The following RORA variants were observed in gnomAD, a reference collection of about 807,000 sequenced individuals.
RORA encodes RAR related orphan receptor A.
In RORA, 7 loss-of-function variants were observed where a neutral mutation model predicts 69.5. That is an observed-to-expected ratio of 0.10 (90% CI 0.06 to 0.19). RORA has a LOEUF of 0.19. RORA is among the 10% of genes least tolerant of loss of function. RORA has a pLI of 1.00. For missense variants in RORA, 457 were observed against 663.0 expected, an observed-to-expected ratio of 0.69 and a Z score of 3.41; for synonymous variants, 261 against 240.8, an observed-to-expected ratio of 1.08 and a Z score of -0.78.
chr15:61,173,048 AATTTT>A (rs1259244476), intron 1 of RORA, among the ~76,000 whole-genome samples: 5 of 152,214 alleles, frequency 3.3e-5, no homozygotes, highest in South Asian at 2.1e-4. Context: ...GTGGTTTTTA[AATTTT>A]ATTTTATTTT....
At chr15:60,947,311 A>G (rs1892922447) in intron 1 of RORA, among the ~76,000 whole-genome samples, 1 of 151,890 alleles carries the variant, frequency 6.6e-6, no homozygotes, top group African/African-American at 2.4e-5. Context: ...GTGTGGAAAG[A>G]GGTAGACATA....
chr15:60,616,166 T>C (rs1055842257), intron 2 of RORA, among the ~76,000 whole-genome samples: 3 of 152,182 alleles, frequency 2.0e-5, no homozygotes, highest in Admixed American at 6.5e-5. Flanking sequence ...GGCACACATA[T>C]GTATTTGTGG....
intron 1 of RORA, among the ~76,000 whole-genome samples, chr15:61,032,916 G>T (rs1896246555): frequency 1.3e-5 from 2 of 152,048 alleles, no homozygotes; most frequent in African/African-American, 4.8e-5. Context: ...TATGATAATA[G>T]CTATAATTTA....
chr15:61,097,119 G>T (rs768236861), intron 1 of RORA, among the ~76,000 whole-genome samples: 1 of 152,182 alleles, frequency 6.6e-6, no homozygotes, highest in Non-Finnish European at 1.5e-5. Context: ...CAAACAAGAG[G>T]GGGAGTGTTT....
chr15:60,732,336 C>A (rs2071440154), intron 1 of RORA, among the ~76,000 whole-genome samples: 1 of 152,070 alleles, frequency 6.6e-6, no homozygotes, highest in South Asian at 2.1e-4. Context: ...TGCGGGTGAG[C>A]CAGCACCTTC....
intron 3 of RORA, chr15:60,529,740 T>C (rs2066473212): frequency 6.6e-6 from 1 of 152,236 alleles, no homozygotes; most frequent in South Asian, 2.1e-4. Context: ...TGTGCCATGG[T>C]ACTCAGTCAA....
rs923102307 is a variant in RORA, at chr15:60,945,100, T to A, written c.167-266414A>T. On this transcript the variant is annotated intron_variant, in intron 1 of 10. Transcript: ENST00000335670. ...AGAGGAGGAAGGCTATAGTTTAATA[T>A]ACCCAGCAAATCCAGCAATATGGGG... Among the ~76,000 whole-genome samples, 8 of 152,144 alleles carry A rather than the reference T, an allele frequency of 5.3e-5. No homozygotes were observed. The East Asian group carries it at 1.5e-3, about 29-fold the overall frequency.
chr15:60,907,931 A>C (rs1011285910), intron 1 of RORA, among the ~76,000 whole-genome samples: 8 of 152,178 alleles, frequency 5.3e-5, no homozygotes, highest in African/African-American at 1.9e-4. Context: ...CACAGTGAAC[A>C]CAGAGGGTCC....
intron 1 of RORA, among the ~76,000 whole-genome samples, chr15:60,764,278 G>A (rs1595696117): frequency 6.6e-6 from 1 of 151,802 alleles, no homozygotes. Context: ...GGTGGGAAGC[G>A]GGGGGTATGG....
intron 1 of RORA, among the ~76,000 whole-genome samples, chr15:61,012,855 G>T: frequency 6.6e-6 from 1 of 152,030 alleles, no homozygotes; most frequent in East Asian, 1.9e-4. Flanking sequence ...TCACCATGTT[G>T]CCCAGGCTGG....
rs28403448 is a variant in RORA, at chr15:60,614,509, C to T, written c.196+64148G>A. Among the ~76,000 whole-genome samples, 1,213 of 152,248 alleles carry T rather than the reference C, an allele frequency of 8.0e-3. 12 individuals are homozygous for T. The highest frequency in any genetic ancestry group is 0.024 in the African/African-American group (1,003 of 41,556). On this transcript the variant is annotated intron_variant, in intron 2 of 10. Transcript: ENST00000335670. Reference sequence around the variant, plus strand: ...TGTATTTTTGAGGAAAAGAGGCATTCATAGGGCGCATTGATGAGAAAGTCC... The same window carrying T: ...TGTATTTTTGAGGAAAAGAGGCATTTATAGGGCGCATTGATGAGAAAGTCC...
At chr15:60,938,622 A>G (rs1892598445) in intron 1 of RORA, among the ~76,000 whole-genome samples, 1 of 152,234 alleles carries the variant, frequency 6.6e-6, no homozygotes, top group Non-Finnish European at 1.5e-5. Context: ...AGTTCATACA[A>G]ACTAGAGGAG....
chr15:60,515,914 TTTATATATA>T (rs2065854722), intron 3 of RORA, among the ~76,000 whole-genome samples: 1 of 79,182 alleles, frequency 1.3e-5, no homozygotes, highest in Admixed American at 2.2e-4. Flanking sequence ...ATATATTGTA[TTTATATATA>T]TATTTATATA....
rs771324846 is a variant in RORA at position 61,059,855 on chromosome 15, TAAAATGTAAAGGATGGAA to T, written c.166+169180_166+169197del. ...TTACTTTCAATAATAAAATAATTCT[TAAAATGTAAAGGATGGAA>T]AAAATGTAAAGGATGAATTAAAACA... On this transcript the variant is annotated intron_variant, in intron 1 of 10. Coordinates refer to ENST00000335670, the MANE Select transcript of RORA (RefSeq NM_134261.3). Among the ~76,000 whole-genome samples, 29 of 151,512 alleles carry T rather than the reference TAAAATGTAAAGGATGGAA, an allele frequency of 1.9e-4. 1 individual carries two copies. Among genetic ancestry groups the T allele is most frequent in the Non-Finnish European group, 3.8e-4 (26 of 67,908 alleles).
At chr15:61,179,918 C>T (rs1274343248) in intron 1 of RORA, among the ~76,000 whole-genome samples, 1 of 151,756 alleles carries the variant, frequency 6.6e-6, no homozygotes, top group Non-Finnish European at 1.5e-5. Context: ...GGGCAGATCA[C>T]CTGAGGTCAG....
In RORA at chr15:60,610,722, C is replaced by CAGAG. The variant is rs148423081; in HGVS notation, c.196+67931_196+67934dup. Among the ~76,000 whole-genome samples the CAGAG allele has an allele frequency of 7.4e-5, 11 of 149,522 alleles. No individual in the cohort carries two copies. The South Asian group carries it at 1.9e-3, about 26-fold the overall frequency. On this transcript the variant is annotated intron_variant, in intron 2 of 10. Transcript: ENST00000335670. ...CACAATTGAGCAATAACACTGAGAT[C>CAGAG]AGAGAGAGAGAGAGAGAAGGAAAAA...
intron 2 of RORA, among the ~76,000 whole-genome samples, chr15:60,557,703 T>C (rs1444370824): frequency 6.6e-6 from 1 of 152,192 alleles, no homozygotes; most frequent in African/African-American, 2.4e-5. Context: ...TCAAAGAATA[T>C]AATGAAGTAA....
intron 1 of RORA, among the ~76,000 whole-genome samples, chr15:60,742,657 T>A (rs559843913): frequency 6.4e-4 from 98 of 152,360 alleles, no homozygotes; most frequent in African/African-American, 2.3e-3. Context: ...CAGTCTTTGC[T>A]AACACTATTC....
At chr15:61,068,317 G>A (rs576525826) in intron 1 of RORA, among the ~76,000 whole-genome samples, 57 of 148,828 alleles carry the variant, frequency 3.8e-4, no homozygotes, top group African/African-American at 1.3e-3. Context: ...AATGCTTAAC[G>A]GTGTGCACTG....
Sources: allele counts gnomAD v4.1 joint callset (sites outside exome capture counted in the v4.1 genomes callset), GRCh38; gene constraint gnomAD v4.1.1; transcripts MANE v1.5; gene names NCBI Gene and HGNC (gene_info 2026-07-23, HGNC 2026-07-21).